The following MINAR1 variants were observed in gnomAD, a reference collection of about 807,000 sequenced individuals.
MINAR1 encodes the protein major intrinsically disordered Notch2-binding receptor 1.
In MINAR1, 40 loss-of-function variants were observed where a neutral mutation model predicts 65.1. That is an observed-to-expected ratio of 0.61 (90% CI 0.48 to 0.80). The LOEUF is 0.80. MINAR1 is among the 30% of genes least tolerant of loss of function. MINAR1 has a pLI of 0.00. For missense variants in MINAR1, 1,128 were observed against 1,148.0 expected, an observed-to-expected ratio of 0.98 and a Z score of 0.25; for synonymous variants, 482 against 449.1, an observed-to-expected ratio of 1.07 and a Z score of -0.93.
upstream of MINAR1, among the ~76,000 whole-genome samples, chr15:79,431,055 C>T (rs952975607): frequency 1.3e-5 from 2 of 152,226 alleles, no homozygotes; most frequent in Non-Finnish European, 2.9e-5. Flanking sequence ...GCCTTTGCTC[C>T]GATCACAGGT....
chr15:79,458,309 C>T lies in MINAR1; in HGVS notation c.2162C>T (p.Ser721Phe), dbSNP rs1413218827. The change falls in exon 2 of 4, where the codon TCC (serine) becomes TTC (phenylalanine). Residue 721 changes from serine (S) to phenylalanine (F), a missense_variant. Physicochemically the swap from Ser to Phe is radical, Grantham distance 155. Coordinates refer to ENST00000305428, the MANE Select transcript of MINAR1 (RefSeq NM_015206.3). Reference protein sequence around the residue: ...SLTEENSATESKIASISNSPR... With the variant: ...SLTEENSATEFKIASISNSPR... ...ACAGAGGAGAACAGTGCCACAGAGTCCAAAATTGCCAGCATCTCCAACTCG... is the reference window on the plus strand; with the variant it reads ...ACAGAGGAGAACAGTGCCACAGAGTTCAAAATTGCCAGCATCTCCAACTCG... 9 of 1,614,166 alleles carry T rather than the reference C, an allele frequency of 5.6e-6. No individual in the cohort carries two copies. Among genetic ancestry groups the T allele is most frequent in the Non-Finnish European group, 7.6e-6 (9 of 1,180,032 alleles).
chr15:79,427,905 G>A (rs1595922025), upstream of MINAR1, among the ~76,000 whole-genome samples: 1 of 152,300 alleles, frequency 6.6e-6, no homozygotes, highest in East Asian at 1.9e-4. Flanking sequence ...CAGCTCAGAG[G>A]AGAATCAGAG....
At chr15:79,428,815 G>A (rs971409667), upstream of MINAR1, among the ~76,000 whole-genome samples, 16 of 152,236 alleles carry the variant, frequency 1.1e-4, 1 homozygote, top group South Asian at 3.3e-3. Flanking sequence ...TACCACAGGA[G>A]ATCTGATTAT....
intron 1 of MINAR1, among the ~76,000 whole-genome samples, chr15:79,455,677 C>G (rs1323486179): frequency 6.6e-6 from 1 of 152,158 alleles, no homozygotes; most frequent in East Asian, 1.9e-4. Context: ...ACGATACATT[C>G]GAGATTCATC....
chr15:79,466,825 C>T (rs1396981418), intron 3 of MINAR1, among the ~76,000 whole-genome samples: 1 of 152,192 alleles, frequency 6.6e-6, no homozygotes, highest in Non-Finnish European at 1.5e-5. Flanking sequence ...TGTTGCCACC[C>T]TTGGATCTGA....
Position 79,463,068 on chromosome 15 carries a change from C to T in MINAR1, c.2300C>T (p.Ala767Val). 1 of 1,609,988 alleles carries T rather than the reference C, an allele frequency of 6.2e-7. No individual in the cohort carries two copies. Among genetic ancestry groups the T allele is most frequent in the African/African-American group, 1.3e-5 (1 of 74,976 alleles). Residue 767 changes from alanine (A) to valine (V), a missense_variant and splice_region_variant, in exon 3 of 4, where the codon GCA becomes GTA. Coordinates refer to ENST00000305428, the MANE Select transcript of MINAR1 (RefSeq NM_015206.3). ...GGACTTCTTTGTGCCCCTCTGCAGG[C>T]AGACAGGCAGTACGACATTCCCCCA... ...NKDWHRKSKEADRQYDIPPQH... is the reference protein window; with the variant it reads ...NKDWHRKSKEVDRQYDIPPQH...
intron 1 of MINAR1, among the ~76,000 whole-genome samples, chr15:79,432,971 C>G (rs1470771627): frequency 6.6e-6 from 1 of 152,196 alleles, no homozygotes; most frequent in Non-Finnish European, 1.5e-5. Flanking sequence ...CTGGACAAGC[C>G]CCAGGTGGAC....
chr15:79,462,636 G>A (rs147247238), intron 2 of MINAR1, among the ~76,000 whole-genome samples: 41 of 152,192 alleles, frequency 2.7e-4, no homozygotes, highest in African/African-American at 9.4e-4. Context: ...TCTGTACCCC[G>A]TGCAAAATGG....
At position 79,463,742 on chromosome 15, in the gene MINAR1, C is replaced by T. The variant is rs963599934; in HGVS notation, c.2553+421C>T. ...GGGAGCCAAGCTATGGATTATGTTT[C>T]CATACGGAGCAGCCCCAGGTAAGAG... On this transcript the variant is annotated intron_variant, in intron 3 of 3. Transcript: ENST00000305428. 14 of 460,236 alleles carry T rather than the reference C, an allele frequency of 3.0e-5. 1 individual carries two copies. In the Admixed American group the frequency reaches 3.3e-4, roughly 11 times the overall value. The allele number at this position is 460,236 out of a possible 1,614,324, so 28.5% of individuals were successfully genotyped here. A position where few individuals can be genotyped will look rare whatever the true frequency, so the allele number is the denominator to read the frequency against.
intron 3 of MINAR1, among the ~76,000 whole-genome samples, chr15:79,464,678 A>G (rs1895774028): frequency 6.6e-6 from 1 of 152,220 alleles, no homozygotes; most frequent in Non-Finnish European, 1.5e-5. Flanking sequence ...GACAGCAATT[A>G]TGGGAAGGGG....
At position 79,432,347 on chromosome 15, in the gene MINAR1, C is replaced by A. The variant is rs574545737; in HGVS notation, c.-244C>A. Among the ~76,000 whole-genome samples, 2 of 152,132 alleles carry A rather than the reference C, an allele frequency of 1.3e-5. No homozygotes were observed. Among genetic ancestry groups the A allele is most frequent in the African/African-American group, 4.8e-5 (2 of 41,510 alleles). ...GCGCGTGTGAGCGCAGACCTGGACT[C>A]GGGCGGCGGAGGCGAAAGTCGCTCC... On this transcript the variant is annotated 5_prime_UTR_variant, in exon 1 of 4. Coordinates refer to ENST00000305428, the MANE Select transcript of MINAR1 (RefSeq NM_015206.3).
intron 1 of MINAR1, among the ~76,000 whole-genome samples, chr15:79,435,962 T>C (rs1354646372): frequency 6.6e-6 from 1 of 152,238 alleles, no homozygotes; most frequent in Non-Finnish European, 1.5e-5. Context: ...TGAAATCAGG[T>C]ATGGCCATGT....
intron 1 of MINAR1, among the ~76,000 whole-genome samples, chr15:79,440,804 T>C (rs111742059): frequency 0.015 from 2,319 of 152,234 alleles, 58 homozygotes; most frequent in African/African-American, 0.053. Context: ...TTCTAACCCC[T>C]TTTTCTGCTT....
In MINAR1 at chr15:79,457,189, A is replaced by G. The variant is rs1595947441; in HGVS notation, c.1042A>G (p.Thr348Ala). ...TYFGPTPVMG[T>A]QEARRCLGKP... ...TTTTGGGCCCACTCCCGTGATGGGA[A>G]CCCAAGAAGCCAGGCGCTGTCTAGG... Residue 348 changes from threonine (T) to alanine (A), a missense_variant, in exon 2 of 4, where the codon ACC becomes GCC. Coordinates refer to ENST00000305428, the MANE Select transcript of MINAR1 (RefSeq NM_015206.3). 6.2e-7 allele frequency: 1 copy of G among 1,614,012 alleles called. No homozygotes were observed. Among genetic ancestry groups the G allele is most frequent in the African/African-American group, 1.3e-5 (1 of 74,930 alleles).
chr15:79,456,981 CAGCAA>C lies in MINAR1; in HGVS notation c.839_843del (p.Lys280ArgfsTer3), dbSNP rs1305231003. On this transcript the variant is annotated frameshift_variant, in exon 2 of 4. Coordinates refer to ENST00000305428, the MANE Select transcript of MINAR1 (RefSeq NM_015206.3). LOFTEE classifies it high-confidence loss of function. ...TGTCCCCCAGTTTGGTTGGCCCCAT[CAGCAA>C]AGCAGAGAATGAGCACAGGGAACCC... 1.2e-6 allele frequency: 2 copies of C among 1,614,160 alleles called. No individual in the cohort carries two copies. The highest frequency in any genetic ancestry group is 2.2e-5 in the South Asian group (2 of 91,074).
the MINAR1 span, chr15:79,425,585 C>A: frequency 6.6e-6 from 1 of 152,136 alleles, no homozygotes; most frequent in Non-Finnish European, 1.5e-5. Flanking sequence ...AACCAACAAG[C>A]CTCACTCGTT....
chr15:79,448,680 A>G (rs1224076410), intron 1 of MINAR1, among the ~76,000 whole-genome samples: 1 of 152,216 alleles, frequency 6.6e-6, no homozygotes, highest in Non-Finnish European at 1.5e-5. Context: ...ATTTTGGCGT[A>G]TTGGAAAGGT....
rs763442416 is a variant in MINAR1 at position 79,456,217 on chromosome 15, A to G, written c.70A>G (p.Thr24Ala). Residue 24 changes from threonine (T) to alanine (A), a missense_variant, in exon 2 of 4, where the codon ACC becomes GCC. Transcript: ENST00000305428. The stretch of plus-strand genomic sequence containing the variant: ...GGAGGAACTGGACAGCAAGCAAAAT[A>G]CCGTTTCTTATCAGGACCTGTGCAA... The part of the protein sequence containing the change: ...ILEELDSKQN[T>A]VSYQDLCKSL... The G allele has an allele frequency of 1.8e-5, 29 of 1,613,978 alleles. 1 individual carries two copies. The South Asian group carries it at 2.9e-4, about 16-fold the overall frequency.
At chr15:79,456,029 T>C (rs1305913352) in intron 1 of MINAR1, 69 bp from the exon 2 acceptor site, 2 of 910,908 alleles carry the variant, frequency 2.2e-6, no homozygotes, top group Non-Finnish European at 3.3e-6. Context: ...TATAAGGAGC[T>C]TGACTTCAAA....
Sources: gnomAD v4.1 joint callset for allele counts (sites outside exome capture counted in the v4.1 genomes callset) on GRCh38, gnomAD v4.1.1 for gene constraint, MANE v1.5 for transcripts, NCBI Gene and HGNC (gene_info 2026-07-23, HGNC 2026-07-21) for gene names.